Variants in HELZ2 observed in about 807,000 individuals in gnomAD.
The protein encoded by HELZ2 is helicase with zinc finger 2, also known as 3'-5' exoribonuclease HELZ2.
Under a neutral mutation model 208.8 loss-of-function variants are expected in HELZ2, and 143 were observed. That is an observed-to-expected ratio of 0.68 (90% CI 0.60 to 0.79). The LOEUF (loss-of-function observed/expected upper bound fraction) is 0.79, where lower values mean the gene tolerates loss of function less well. HELZ2 is among the 30% of genes least tolerant of loss of function. The pLI is 0.00. For missense variants in HELZ2, 3,690 were observed against 3,794.5 expected (o/e 0.97, Z 0.72); for synonymous variants, 1,705 against 1,693.7 (o/e 1.01, Z -0.16).
downstream of HELZ2, chr20:63,558,155 T>C (rs2082834941): frequency 6.6e-6 from 1 of 152,484 alleles, no homozygotes; most frequent in African/African-American, 2.4e-5. Context: ...GATATAAAAA[T>C]TGGAATGTAG....
In HELZ2 at chr20:63,563,417, G is replaced by A. The variant is rs574819542; in HGVS notation, c.5405C>T (p.Ala1802Val). The change falls in exon 8 of 19, where the codon GCG (alanine) becomes GTG (valine). Residue 1802 changes from alanine (A) to valine (V), a missense_variant. Transcript: ENST00000467148. ...TGGCAGGGGCGGGCTGGATCCCTGC[G>A]CTGAGTAGACACGGCGCCGCCACAG... is the stretch of plus-strand genomic sequence containing the variant. The A allele has an allele frequency of 3.1e-4, 483 of 1,534,168 alleles. 2 individuals are homozygous for A. In the East Asian group the frequency reaches 9.9e-3, roughly 32 times the overall value.
At chr20:63,562,995 A>C (rs2082906733) in exon 8 of HELZ2, 2 of 1,600,098 alleles carry the variant, frequency 1.2e-6, no homozygotes, top group Non-Finnish European at 1.7e-6. Context: ...TCCCACACGC[A>C]GGCGTACTCA....
chr20:63,561,119 G>A (rs753502419), exon 14 of HELZ2: 2 of 1,612,894 alleles, frequency 1.2e-6, no homozygotes, highest in South Asian at 1.1e-5. Flanking sequence ...GGGGATGAGG[G>A]TTTCAGGTTC....
exon 8 of HELZ2, chr20:63,565,851 C>T (rs965012399): frequency 1.9e-5 from 31 of 1,598,236 alleles, no homozygotes; most frequent in Non-Finnish European, 2.5e-5. Context: ...GCCGTCACCA[C>T]AGCCGCCTGC....
At chr20:63,568,413 G>A in exon 5 of HELZ2, 1 of 1,609,266 alleles carries the variant, frequency 6.2e-7, no homozygotes, top group African/African-American at 1.3e-5. Context: ...ATGACCTCCA[G>A]GGAGGCCATG....
rs1345667894 is a variant in HELZ2, at chr20:63,561,972, G to A, written c.6542C>T (p.Thr2181Met). The A allele has an allele frequency of 4.4e-6, 7 of 1,594,850 alleles. No homozygotes were observed. The East Asian group carries it at 6.7e-5, about 15-fold the overall frequency. ...GAATACGATGTGGAGGCCCACGATCGTCTTCCCTGTACCTGCAGCCAGAGA... is the reference window on the plus strand; with the variant it reads ...GAATACGATGTGGAGGCCCACGATCATCTTCCCTGTACCTGCAGCCAGAGA... Residue 2181 changes from threonine to methionine, a missense_variant, in exon 11 of 19, where the codon ACG (threonine) becomes ATG (methionine). By Grantham distance (81) the Thr-to-Met change is moderately conservative (BLOSUM62 -1). This residue lies in a region of HELZ2 where 2,564 missense variants were observed against 2,580.5 expected (regional missense o/e 0.99). Coordinates refer to ENST00000467148, the Ensembl canonical transcript of HELZ2.
At chr20:63,567,917 C>T in intron 5 of HELZ2, 1 of 595,774 alleles carries the variant, frequency 1.7e-6, no homozygotes, top group South Asian at 2.1e-5. Flanking sequence ...GGACGTATGG[C>T]CACTGTCCCA....
At chr20:63,569,592 G>C in exon 4 of HELZ2, 1 of 1,567,670 alleles carries the variant, frequency 6.4e-7, no homozygotes, top group Non-Finnish European at 8.6e-7. Context: ...CCGGCCTGGC[G>C]GGAGGCCGGG....
At chr20:63,565,125 C>T in exon 8 of HELZ2, 3 of 1,575,374 alleles carry the variant, frequency 1.9e-6, no homozygotes, top group Non-Finnish European at 2.6e-6. Context: ...TGCGATGGGT[C>T]CTTCAGCTCG....
intron 18 of HELZ2, 37 bp downstream of exon 19, chr20:63,559,891 G>C (rs2082865895): frequency 1.3e-6 from 2 of 1,599,220 alleles, no homozygotes; most frequent in Non-Finnish European, 1.7e-6. Flanking sequence ...GGCCTCACCT[G>C]TGTTCCCACC....
rs200543706 is a variant in HELZ2, at chr20:63,562,300, G to A, written c.6385C>T (p.Pro2129Ser). The A allele has an allele frequency of 4.4e-6, 7 of 1,598,436 alleles. No individual in the cohort carries two copies. In the East Asian group the frequency reaches 1.6e-4, roughly 36 times the overall value. ...GGGGCAGACCTACCTCTGCAGAGGG[G>A]CTGCGGGACAGGCCGGCCCAGTGCG... Residue 2129 changes from proline (P) to serine (S), a missense_variant, in exon 9 of 19, where the codon CCC becomes TCC. Transcript: ENST00000467148.
chr20:63,562,606 G>C (rs373593922), exon 8 of HELZ2: 1 of 1,596,596 alleles, frequency 6.3e-7, no homozygotes, highest in South Asian at 1.1e-5. Flanking sequence ...CCATGCCCAT[G>C]TGGTGGACGA....
At chr20:63,569,290 C>A (rs1317338953) in exon 4 of HELZ2, 3 of 1,572,948 alleles carry the variant, frequency 1.9e-6, no homozygotes, top group Non-Finnish European at 8.6e-7. Flanking sequence ...TTGTACTTGG[C>A]CATCAGGGCC....
exon 8 of HELZ2, chr20:63,563,077 G>T: frequency 1.3e-6 from 2 of 1,598,330 alleles, no homozygotes; most frequent in Non-Finnish European, 8.5e-7. Context: ...GCCGCTCCAC[G>T]TGCTCCAGGC....
chr20:63,569,654 T>C lies in HELZ2; in HGVS notation c.582A>G (p.Leu194=), dbSNP rs61742652. ...GCTCCTGCTTCAGCAGGGCCACGTGTAGCAGGGGCTCCTGGAGAGGAGGCC... is the reference window on the plus strand; with the variant it reads ...GCTCCTGCTTCAGCAGGGCCACGTGCAGCAGGGGCTCCTGGAGAGGAGGCC... The change falls in exon 4 of 19, where the codon CTA becomes CTG. Residue 194 remains leucine, a synonymous_variant. Transcript: ENST00000467148. The C allele has an allele frequency of 1.9e-3, 2,876 of 1,531,850 alleles. 48 individuals are homozygous for C. In the African/African-American group the frequency reaches 0.037, roughly 20 times the overall value. 94.9% of individuals were successfully genotyped at this position (1,531,850 alleles called of 1,614,324 possible). A position where few individuals can be genotyped will look rare whatever the true frequency, so the allele number is the denominator to read the frequency against.
intron 18 of HELZ2, among the ~76,000 whole-genome samples, 170 bp downstream of exon 19, chr20:63,559,758 G>A (rs1235576221): frequency 4.2e-5 from 5 of 118,986 alleles, no homozygotes; most frequent in Non-Finnish European, 3.6e-5. Context: ...TCAGGTGGGA[G>A]GAGTCAGGGT....
chr20:63,563,651 G>C lies in HELZ2; in HGVS notation c.5171C>G (p.Ala1724Gly), dbSNP rs768343033. The C allele has an allele frequency of 5.8e-6, 9 of 1,549,326 alleles. No homozygotes were observed. In the Admixed American group the frequency reaches 1.7e-4, roughly 29 times the overall value. ...CTGCACGGCCAGGTGCAGGCTGCGC[G>C]CCCGCCGCTGATAGCTCTGGGCAAG... Residue 1724 changes from alanine (A) to glycine (G), a missense_variant, in exon 8 of 19, where the codon GCG becomes GGG. By Grantham distance (60) the Ala-to-Gly change is moderately conservative. This residue lies in a region of HELZ2 where 2,564 missense variants were observed against 2,580.5 expected (regional missense o/e 0.99). Coordinates refer to ENST00000467148, the Ensembl canonical transcript of HELZ2.
intron 8 of HELZ2, 40 bp from the exon 10 acceptor site, chr20:63,562,422 C>G (rs778582149): frequency 6.5e-7 from 1 of 1,548,994 alleles, no homozygotes; most frequent in South Asian, 1.2e-5. Context: ...AACAGGACTC[C>G]CAGGAAAGGG....
upstream of HELZ2, among the ~76,000 whole-genome samples, chr20:63,573,810 G>A (rs565109629): frequency 6.6e-6 from 1 of 152,124 alleles, no homozygotes; most frequent in Non-Finnish European, 1.5e-5. This position sits in a 1 kb window ranked among gnomAD's most constrained non-coding sequence, Gnocchi z 4.9. Flanking sequence ...TACAAGAAGA[G>A]TAAGTTTAAA....
Sources: gnomAD v4.1 joint callset for allele counts (sites outside exome capture counted in the v4.1 genomes callset) on GRCh38, gnomAD v4.1.1 for gene constraint, gnomAD v4.1.1 regional missense constraint, Gnocchi (gnomAD v3.1) non-coding constraint, MANE v1.5 for transcripts, NCBI Gene and HGNC (gene_info 2026-07-23, HGNC 2026-07-21) for gene names.